The following NXN variants were observed in gnomAD, a reference collection of about 807,000 sequenced individuals.
The protein encoded by NXN is nucleoredoxin.
NXN carries 16 observed loss-of-function variants against 48.6 expected under a neutral mutation model. The observed-to-expected ratio is 0.33, with a 90% CI of 0.22 to 0.50. The LOEUF is 0.50. Ranked by LOEUF, NXN falls within the 20% of genes least tolerant of loss-of-function variation. The pLI, the probability that NXN is intolerant of heterozygous loss-of-function variation, is 0.98. For missense variants in NXN, 492 were observed against 605.5 expected, an observed-to-expected ratio of 0.81 and a Z score of 1.97; for synonymous variants, 281 against 269.6, an observed-to-expected ratio of 1.04 and a Z score of -0.41.
intron 5 of NXN, among the ~76,000 whole-genome samples, chr17:808,676 GTT>G (rs5818768): frequency 1.6e-5 from 2 of 128,980 alleles, no homozygotes; most frequent in Non-Finnish European, 1.6e-5. Flanking sequence ...TTATAAACCA[GTT>G]TTTTTTTTTT....
rs140922975 is a variant in NXN, at chr17:943,556, T to C, written c.360+35763A>G. On this transcript the variant is annotated intron_variant, in intron 1 of 7. Transcript: ENST00000336868. ...ATATTACCGGGCTGGGCACAGTGGC[T>C]CACGCCTGTAATCCCAGCAGTTTGG... Among the ~76,000 whole-genome samples, 872 of 152,320 alleles carry C rather than the reference T, an allele frequency of 5.7e-3. 8 individuals carry two copies. The highest frequency in any genetic ancestry group is 5.8e-3 in the Non-Finnish European group (392 of 68,030).
At chr17:900,760 C>G (rs1332581532) in intron 1 of NXN, among the ~76,000 whole-genome samples, 1 of 152,012 alleles carries the variant, frequency 6.6e-6, no homozygotes, top group African/African-American at 2.4e-5. Flanking sequence ...ACCTTTTTTT[C>G]TCTTCATGGA....
At chr17:875,735 G>A (rs1266683336) in intron 1 of NXN, among the ~76,000 whole-genome samples, 1 of 150,782 alleles carries the variant, frequency 6.6e-6, no homozygotes, top group African/African-American at 2.4e-5. Context: ...TGGGATTACA[G>A]GCACATGTGA....
chr17:803,625 C>G, intron 7 of NXN, 57 bp downstream of exon 7: 5 of 1,611,546 alleles, frequency 3.1e-6, no homozygotes, highest in Non-Finnish European at 4.2e-6. Flanking sequence ...AGGATCAGTC[C>G]TGTGCCAGAA....
chr17:936,832 A>T (rs140945458), intron 1 of NXN, among the ~76,000 whole-genome samples: 1 of 151,422 alleles, frequency 6.6e-6, no homozygotes, highest in East Asian at 2.0e-4. Flanking sequence ...TTAATGAAAA[A>T]GTTAAAATGA....
chr17:824,036 A>ATTT (rs11345667), intron 2 of NXN, among the ~76,000 whole-genome samples: 1 of 116,788 alleles, frequency 8.6e-6, no homozygotes, highest in South Asian at 2.8e-4. Context: ...TTCCAGGGAC[A>ATTT]TTTTTTTTTT....
At chr17:972,346 T>G (rs901907944) in intron 1 of NXN, among the ~76,000 whole-genome samples, 28 of 148,836 alleles carry the variant, frequency 1.9e-4, no homozygotes, top group East Asian at 4.0e-4. Flanking sequence ...GCGTGGTGGC[T>G]GGCGCCTGTA....
chr17:908,402 G>A (rs1252174184), intron 1 of NXN, among the ~76,000 whole-genome samples: 1 of 152,024 alleles, frequency 6.6e-6, no homozygotes, highest in East Asian at 1.9e-4. Flanking sequence ...CAGGCATGTT[G>A]GTGGGAGCCT....
Position 856,393 on chromosome 17 carries a change from C to T in NXN, c.361-30315G>A, listed in dbSNP as rs528052702. ...TCTGGGACTCTGGCTGGATGTCTTC[C>T]GCTAGGAGATGAGTCTTAAGTCACT... On this transcript the variant is annotated intron_variant, in intron 1 of 7. Transcript: ENST00000336868. Among the ~76,000 whole-genome samples the T allele has an allele frequency of 5.3e-5, 8 of 152,122 alleles. No individual in the cohort carries two copies. In the East Asian group the frequency reaches 5.8e-4, roughly 11 times the overall value.
At chr17:896,859 C>CGGGGG in intron 1 of NXN, 5 of 541,034 alleles carry the variant, frequency 9.2e-6, no homozygotes, top group Non-Finnish European at 1.5e-5. Flanking sequence ...TCCTGACCAC[C>CGGGGG]CGCCCCCGGC....
intron 5 of NXN, among the ~76,000 whole-genome samples, chr17:815,679 A>G (rs645159): frequency 0.32 from 46,651 of 145,444 alleles, 8,010 homozygotes; most frequent in East Asian, 0.45. Context: ...CCATCCGTAC[A>G]ATGAGGGCCA....
intron 5 of NXN, among the ~76,000 whole-genome samples, chr17:815,237 C>G (rs374623601): frequency 2.6e-5 from 4 of 152,084 alleles, no homozygotes; most frequent in African/African-American, 9.7e-5. Flanking sequence ...ATGATGAGGG[C>G]CAGTGTCCAC....
At chr17:964,204 G>A (rs2069274842) in intron 1 of NXN, among the ~76,000 whole-genome samples, 1 of 152,202 alleles carries the variant, frequency 6.6e-6, no homozygotes, top group African/African-American at 2.4e-5. Context: ...CAGTCAGCAG[G>A]AAAGCCATAA....
intron 1 of NXN, among the ~76,000 whole-genome samples, chr17:970,854 C>G (rs551699721): frequency 6.6e-6 from 1 of 151,838 alleles, no homozygotes; most frequent in Admixed American, 6.6e-5. Flanking sequence ...GTAATATGTA[C>G]GCATTTTGAG....
intron 1 of NXN, among the ~76,000 whole-genome samples, chr17:923,537 T>A (rs903968589): frequency 2.0e-5 from 3 of 152,126 alleles, no homozygotes; most frequent in African/African-American, 7.2e-5. Context: ...CAAAAATTTT[T>A]AATTAATTTT....
chr17:953,968 C>T (rs575816179), intron 1 of NXN, among the ~76,000 whole-genome samples: 2 of 152,268 alleles, frequency 1.3e-5, no homozygotes, highest in Admixed American at 1.3e-4. Flanking sequence ...CTCCGTGCTG[C>T]GGCTCCTCTC....
intron 1 of NXN, among the ~76,000 whole-genome samples, chr17:960,561 C>T (rs1239260577): frequency 6.6e-6 from 1 of 152,102 alleles, no homozygotes; most frequent in African/African-American, 2.4e-5. Flanking sequence ...CCAGGCTGGA[C>T]ACAAGTCCCT....
At chr17:965,071 C>T (rs186785132) in intron 1 of NXN, among the ~76,000 whole-genome samples, 41 of 152,254 alleles carry the variant, frequency 2.7e-4, no homozygotes, top group Admixed American at 2.5e-3. Flanking sequence ...GACTCTCAAC[C>T]GCACACTGAC....
At chr17:853,727 T>A (rs570748339) in intron 1 of NXN, among the ~76,000 whole-genome samples, 2,504 of 116,554 alleles carry the variant, frequency 0.021, 42 homozygotes, top group Admixed American at 0.047. Flanking sequence ...ATATATATTT[T>A]TTTTTTTTTT....
Sources: allele counts gnomAD v4.1 joint callset (sites outside exome capture counted in the v4.1 genomes callset), GRCh38; gene constraint gnomAD v4.1.1; transcripts MANE v1.5; gene names NCBI Gene and HGNC (gene_info 2026-07-23, HGNC 2026-07-21).